Variants in BMP2K observed in about 807,000 individuals in gnomAD.
The protein encoded by BMP2K is BMP-2-inducible protein kinase.
A neutral mutation model predicts 116.0 loss-of-function variants in BMP2K; 74 were observed. The ratio of observed to expected loss-of-function variants is 0.64; its 90% CI spans 0.53 to 0.77. The LOEUF (loss-of-function observed/expected upper bound fraction) is 0.77. Among genes scored for constraint, BMP2K ranks in the 30% least tolerant of loss-of-function variants. The pLI, the probability that BMP2K is intolerant of heterozygous loss-of-function variation, is 0.00. For synonymous variants in BMP2K, 486 were observed against 502.5 expected (o/e 0.97, Z 0.44); for missense variants, 1,365 against 1,403.6 (o/e 0.97, Z 0.44).
Position 78,861,476 on chromosome 4 carries a change from A to C in BMP2K, c.1067+8A>C, listed in dbSNP as rs373386639. ...AAGCCAAATAAAAGCCAGGTAGGCA[A>C]AACTATGCTGAAATTGAAAAGGCAT... On this transcript the variant is annotated splice_region_variant and intron_variant, in intron 9 of 15. Transcript: ENST00000502613. 1.3e-6 allele frequency: 2 copies of C among 1,599,054 alleles called. No individual in the cohort carries two copies. The highest frequency in any genetic ancestry group is 1.7e-6 in the Non-Finnish European group (2 of 1,168,962).
At position 78,886,730 on chromosome 4, in the gene BMP2K, A is replaced by G. The variant is rs535181211; in HGVS notation, c.1952-444A>G. 8.5e-5 allele frequency among the ~76,000 whole-genome samples: 13 copies of G among 152,272 alleles called. 1 individual carries two copies. Among genetic ancestry groups the G allele is most frequent in the South Asian group, 2.1e-4 (1 of 4,824 alleles). On this transcript the variant is annotated intron_variant, in intron 14 of 15. Transcript: ENST00000502613. ...TACAAAAAAAGAACAAAAAAGTAAG[A>G]TATAGTGAATTACTTTTTATTACTA...
chr4:78,827,893 G>A (rs941524228), intron 2 of BMP2K, among the ~76,000 whole-genome samples: 2 of 152,300 alleles, frequency 1.3e-5, no homozygotes, highest in South Asian at 2.1e-4. Context: ...TGGAACTGTC[G>A]TCTGTAAACC....
In BMP2K at chr4:78,911,063, C is replaced by G. The variant is rs766629158; in HGVS notation, c.2516C>G (p.Ser839Ter). 6.2e-7 allele frequency: 1 copy of G among 1,613,968 alleles called. No individual in the cohort carries two copies. The highest frequency in any genetic ancestry group is 1.1e-5 in the South Asian group (1 of 91,080). Residue 839 changes from serine to a stop codon, truncating the protein, a stop_gained, in exon 16 of 16, where the codon TCA becomes TGA. Transcript: ENST00000502613. LOFTEE classifies it high-confidence loss of function. ...GATCTTAATACAATACTCCTCACCT[C>G]AGCCCAATTATCCTCTGATGTTGCA... is the stretch of plus-strand genomic sequence containing the variant. The part of the protein sequence containing the change: ...TQDLNTILLT[S>*]AQLSSDVAVE...
chr4:78,830,854 G>A (rs1730173673), intron 2 of BMP2K, among the ~76,000 whole-genome samples: 2 of 152,170 alleles, frequency 1.3e-5, no homozygotes, highest in African/African-American at 4.8e-5. Flanking sequence ...GGCTTGATCT[G>A]TCTAGACCGT....
At chr4:78,816,517 G>T (rs908986950) in intron 1 of BMP2K, among the ~76,000 whole-genome samples, 3 of 152,002 alleles carry the variant, frequency 2.0e-5, no homozygotes, top group Non-Finnish European at 4.4e-5. Context: ...GAGTAATTGG[G>T]CAAGAAAATG....
rs1196349114 is a variant in BMP2K, at chr4:78,914,300, T to A, written c.*2267T>A. ...TGTAGACCCTTTGACTTATAAATTC[T>A]GAGGAAACAACTGACAGCATAAAAT... On this transcript the variant is annotated 3_prime_UTR_variant, in exon 16 of 16. Transcript: ENST00000502613. 1 of 152,120 alleles carries A rather than the reference T, an allele frequency of 6.6e-6. No individual in the cohort carries two copies. Among genetic ancestry groups the A allele is most frequent in the African/African-American group, 2.4e-5 (1 of 41,458 alleles). 9.4% of individuals were successfully genotyped at this position (152,120 alleles called of 1,614,324 possible).
chr4:78,835,121 A>G (rs1730404976), intron 3 of BMP2K, among the ~76,000 whole-genome samples: 1 of 152,222 alleles, frequency 6.6e-6, no homozygotes, highest in Non-Finnish European at 1.5e-5. Flanking sequence ...GTCACTTAGA[A>G]GACATCTTAA....
At chr4:78,778,293 C>G (rs988191575) in intron 1 of BMP2K, among the ~76,000 whole-genome samples, 2 of 152,172 alleles carry the variant, frequency 1.3e-5, no homozygotes, top group African/African-American at 4.8e-5. Context: ...CATATCTTAT[C>G]ACTACCCTAA....
Position 78,825,142 on chromosome 4 carries a change from T to G in BMP2K, c.179-895T>G, listed in dbSNP as rs577671873. 4.6e-5 allele frequency among the ~76,000 whole-genome samples: 7 copies of G among 152,246 alleles called. No individual in the cohort carries two copies. In the South Asian group the frequency reaches 1.5e-3, roughly 32 times the overall value. On this transcript the variant is annotated intron_variant, in intron 1 of 15. Transcript: ENST00000502613. ...TTGCTTGAACCTGGGAGGCGGAGGT[T>G]GCGGTGAGCCGAGATTGTGCCACTG...
intron 1 of BMP2K, among the ~76,000 whole-genome samples, chr4:78,790,482 A>G (rs1362752452): frequency 6.6e-6 from 1 of 152,184 alleles, no homozygotes; most frequent in Non-Finnish European, 1.5e-5. Flanking sequence ...AATGTGCAGA[A>G]CCTCTGTGAA....
At chr4:78,776,754 G>T (rs754723552) in intron 1 of BMP2K, 33 bp downstream of exon 1, 2 of 1,253,150 alleles carry the variant, frequency 1.6e-6, no homozygotes. Context: ...GGACAGGCAG[G>T]TGAGGGAGGG....
At chr4:78,903,916 A>G (rs1006945837) in intron 15 of BMP2K, among the ~76,000 whole-genome samples, 1 of 151,938 alleles carries the variant, frequency 6.6e-6, no homozygotes, top group Non-Finnish European at 1.5e-5. Context: ...TACAGATGAG[A>G]GTTTTAAGCC....
At position 78,776,599 on chromosome 4, in the gene BMP2K, C is replaced by G; in HGVS notation, c.56C>G (p.Ala19Gly). 8.6e-7 allele frequency: 1 copy of G among 1,156,128 alleles called. No homozygotes were observed. The highest frequency in any genetic ancestry group is 1.1e-6 in the Non-Finnish European group (1 of 935,206). 71.6% of individuals were successfully genotyped at this position (1,156,128 alleles called of 1,614,324 possible). A position where few individuals can be genotyped will look rare whatever the true frequency, so the allele number is the denominator to read the frequency against. ...GAGGGCGGCAGCGGCGGCGGAGCGG[C>G]GGGTGGCGGGGCTGGCGGGGCCGGG... ...KSEGGSGGGA[A>G]GGGAGGAGAG... The change falls in exon 1 of 16, where the codon GCG (alanine) becomes GGG (glycine). Residue 19 changes from alanine to glycine, a missense_variant. Ala to Gly is a moderately conservative substitution (Grantham distance 60). Transcript: ENST00000502613.
At chr4:78,862,176 C>T (rs1440663387) in intron 9 of BMP2K, among the ~76,000 whole-genome samples, 1 of 151,686 alleles carries the variant, frequency 6.6e-6, no homozygotes, top group East Asian at 1.9e-4. Flanking sequence ...TTACACAATA[C>T]AAAAATATAT....
chr4:78,792,601 T>C (rs745399370), intron 1 of BMP2K, among the ~76,000 whole-genome samples: 8 of 152,188 alleles, frequency 5.3e-5, no homozygotes, highest in Non-Finnish European at 1.2e-4. Flanking sequence ...ATTGTGAGCT[T>C]ACAGTTCCCT....
chr4:78,896,577 A>C (rs1733714330), intron 15 of BMP2K, among the ~76,000 whole-genome samples: 1 of 152,170 alleles, frequency 6.6e-6, no homozygotes, highest in Non-Finnish European at 1.5e-5. Flanking sequence ...TTTTTCAGGA[A>C]ACATTAGATT....
At chr4:78,907,871 G>A (rs1277783229) in intron 15 of BMP2K, among the ~76,000 whole-genome samples, 1 of 152,132 alleles carries the variant, frequency 6.6e-6, no homozygotes, top group Admixed American at 6.5e-5. Context: ...GAATGTTGTG[G>A]CTGTGGGTGG....
chr4:78,898,777 G>A (rs1453150259), intron 15 of BMP2K: 1 of 151,916 alleles, frequency 6.6e-6, no homozygotes, highest in Non-Finnish European at 1.5e-5. Context: ...TGTGAATTGG[G>A]ATATTAACAA....
At chr4:78,848,513 A>G (rs553769210) in intron 6 of BMP2K, among the ~76,000 whole-genome samples, 82 of 151,678 alleles carry the variant, frequency 5.4e-4, no homozygotes, top group Non-Finnish European at 8.6e-4. Flanking sequence ...TGTTACTTGA[A>G]AAGAGTATTT....
Sources: gnomAD v4.1 joint callset for allele counts (sites outside exome capture counted in the v4.1 genomes callset) on GRCh38, gnomAD v4.1.1 for gene constraint, MANE v1.5 for transcripts, NCBI Gene and HGNC (gene_info 2026-07-23, HGNC 2026-07-21) for gene names.